Variants in CNTLN observed in about 807,000 individuals in gnomAD.
CNTLN encodes centlein, also known as centlein, centrosomal protein.
Under a neutral mutation model 180.0 loss-of-function variants are expected in CNTLN, and 212 were observed. The observed-to-expected ratio is 1.18, with a 90% confidence interval of 1.05 to 1.32. CNTLN has a LOEUF of 1.32. Ranked by LOEUF, CNTLN falls within the 40% of genes most tolerant of loss-of-function variation. CNTLN has a pLI of 0.00. For missense variants in CNTLN, 2,095 were observed against 1,610.9 expected, an observed-to-expected ratio of 1.30 and a Z score of -5.14; for synonymous variants, 722 against 563.1, an observed-to-expected ratio of 1.28 and a Z score of -3.99.
chr9:17,486,934 TA>T, intron 24 of CNTLN, 54 bp from the exon 25 acceptor site: 1 of 827,958 alleles, frequency 1.2e-6, no homozygotes, highest in South Asian at 1.6e-5. Flanking sequence ...TCTAATAGTA[TA>T]AACAAGTTCA....
chr9:17,507,956 C>A (rs1046279300), downstream of CNTLN, among the ~76,000 whole-genome samples: 5 of 152,124 alleles, frequency 3.3e-5, no homozygotes, highest in Admixed American at 2.6e-4. Context: ...AAGGTGGTGC[C>A]CCTGCCTTCT....
At chr9:17,228,044 C>T (rs961490846) in intron 3 of CNTLN, among the ~76,000 whole-genome samples, 2 of 151,950 alleles carry the variant, frequency 1.3e-5, no homozygotes, top group African/African-American at 2.4e-5. Flanking sequence ...AAGATTCAGG[C>T]GATTTGAGAA....
chr9:17,207,131 C>T (rs922531158), intron 2 of CNTLN, among the ~76,000 whole-genome samples: 3 of 152,196 alleles, frequency 2.0e-5, no homozygotes, highest in Admixed American at 1.3e-4. Context: ...CCTCCATAGT[C>T]TGGTGAGTAT....
chr9:17,265,067 C>T (rs1456201316), intron 5 of CNTLN, among the ~76,000 whole-genome samples: 4 of 147,092 alleles, frequency 2.7e-5, no homozygotes, highest in Non-Finnish European at 5.9e-5. Context: ...GCCAGAACTT[C>T]CAACACTATG....
chr9:17,177,022 A>T (rs1235876735), intron 2 of CNTLN, among the ~76,000 whole-genome samples: 3 of 152,064 alleles, frequency 2.0e-5, no homozygotes, highest in African/African-American at 7.2e-5. Context: ...AAAAGTTCTT[A>T]GTTTCATTGA....
chr9:17,334,450 A>T (rs1383949891), intron 10 of CNTLN, among the ~76,000 whole-genome samples: 2 of 149,424 alleles, frequency 1.3e-5, no homozygotes, highest in Admixed American at 6.6e-5. Context: ...CACACACAGA[A>T]CAATTATTTA....
intron 25 of CNTLN, 82 bp from the exon 26 acceptor site, chr9:17,502,469 T>C (rs1833801998): frequency 4.6e-6 from 3 of 651,102 alleles, no homozygotes. Context: ...ATCTAACTTC[T>C]AATGGTTTAA....
chr9:17,473,796 C>A (rs755611940), intron 23 of CNTLN, among the ~76,000 whole-genome samples: 2 of 152,116 alleles, frequency 1.3e-5, no homozygotes, highest in African/African-American at 4.8e-5. Context: ...GTAGTTTATT[C>A]AAAGTCACCA....
intron 6 of CNTLN, among the ~76,000 whole-genome samples, chr9:17,284,323 T>C (rs1324439214): frequency 6.6e-6 from 1 of 152,174 alleles, no homozygotes; most frequent in South Asian, 2.1e-4. Flanking sequence ...TTTGGAATAG[T>C]TTCGGAAGGA....
At chr9:17,288,024 G>C (rs1218442672) in intron 6 of CNTLN, among the ~76,000 whole-genome samples, 2 of 139,020 alleles carry the variant, frequency 1.4e-5, no homozygotes, top group South Asian at 2.5e-4. Flanking sequence ...CTGCTCTGAT[G>C]TTAGTTATTT....
At chr9:17,300,315 G>T (rs1205816716) in intron 7 of CNTLN, 1 of 151,964 alleles carries the variant, frequency 6.6e-6, no homozygotes, top group African/African-American at 2.4e-5. Context: ...GTGTCTATAG[G>T]CTGATGATTC....
intron 2 of CNTLN, among the ~76,000 whole-genome samples, chr9:17,148,054 A>G (rs1427034878): frequency 1.3e-5 from 2 of 152,172 alleles, no homozygotes; most frequent in African/African-American, 2.4e-5. Flanking sequence ...ACTTTTTATT[A>G]TGGAGAAATT....
intron 5 of CNTLN, among the ~76,000 whole-genome samples, chr9:17,245,196 A>G (rs1405474069): frequency 6.6e-6 from 1 of 151,940 alleles, no homozygotes; most frequent in Non-Finnish European, 1.5e-5. Flanking sequence ...TTTTCTTTCA[A>G]ATTGAAGAAT....
chr9:17,272,626 C>T (rs1828031350), intron 5 of CNTLN, among the ~76,000 whole-genome samples: 1 of 152,254 alleles, frequency 6.6e-6, no homozygotes, highest in East Asian at 1.9e-4. Flanking sequence ...TTGAGATGAG[C>T]AGCTTTACCC....
rs763632027 is a variant in CNTLN at position 17,199,203 on chromosome 9, C to CTT, written c.450-26975_450-26974dup. Reference sequence around the variant, plus strand: ...CTCGCCAGCATCTGTTGTTTCTTGACTTTTTTTTTTTTTTTTTTTTTTTTT... The same window carrying CTT: ...CTCGCCAGCATCTGTTGTTTCTTGACTTTTTTTTTTTTTTTTTTTTTTTTTTT... On this transcript the variant is annotated intron_variant, in intron 2 of 25. Transcript: ENST00000380647. Among the ~76,000 whole-genome samples, 201 of 73,796 alleles carry CTT rather than the reference C, an allele frequency of 2.7e-3. 20 individuals are homozygous for CTT. The highest frequency in any genetic ancestry group is 4.1e-3 in the African/African-American group (88 of 21,352). The allele number at this position is 73,796 out of a possible 152,430, so 48.4% of individuals were successfully genotyped here.
chr9:17,345,963 TTCTC>T (rs770814561), intron 12 of CNTLN, among the ~76,000 whole-genome samples: 3 of 152,202 alleles, frequency 2.0e-5, no homozygotes, highest in Non-Finnish European at 4.4e-5. Context: ...TGGTAAGAAA[TTCTC>T]TGTTTTCTTT....
At chr9:17,305,757 G>C (rs1759463) in intron 7 of CNTLN, among the ~76,000 whole-genome samples, 27,175 of 152,074 alleles carry the variant, frequency 0.18, 2,755 homozygotes, top group South Asian at 0.28. Context: ...AGTTAAAAAT[G>C]GCTGGAGGAC....
chr9:17,452,772 C>T (rs1337021985), intron 18 of CNTLN, among the ~76,000 whole-genome samples: 11 of 151,668 alleles, frequency 7.3e-5, no homozygotes, highest in Admixed American at 5.9e-4. Context: ...GTTGGGGCCA[C>T]GAAAAAAAGC....
intron 7 of CNTLN, chr9:17,298,910 A>ACTC: frequency 1.0e-6 from 1 of 985,266 alleles, no homozygotes; most frequent in African/African-American, 1.7e-5. Context: ...AGGTGTGCTA[A>ACTC]CTGACTCAGC....
Sources: gnomAD v4.1 joint callset for allele counts (sites outside exome capture counted in the v4.1 genomes callset) on GRCh38, gnomAD v4.1.1 for gene constraint, MANE v1.5 for transcripts, NCBI Gene and HGNC (gene_info 2026-07-23, HGNC 2026-07-21) for gene names.